Variants in SAMD3 observed in about 807,000 individuals in gnomAD.
The protein encoded by SAMD3 is sterile alpha motif domain containing 3, also known as sterile alpha motif domain-containing protein 3.
In SAMD3, 63 loss-of-function variants were observed where a neutral mutation model predicts 58.5. The observed-to-expected ratio is 1.08, with a 90% CI of 0.88 to 1.33. The LOEUF is 1.33. SAMD3 is among the 40% of genes most tolerant of loss of function. The pLI, the probability that SAMD3 is intolerant of heterozygous loss-of-function variation, is 0.00. For missense variants in SAMD3, 604 were observed against 608.4 expected (o/e 0.99, Z 0.08); for synonymous variants, 220 against 210.3 (o/e 1.05, Z -0.40).
intron 2 of SAMD3, among the ~76,000 whole-genome samples, chr6:130,298,683 A>G (rs1775649157): frequency 1.3e-5 from 2 of 152,206 alleles, no homozygotes; most frequent in African/African-American, 4.8e-5. Context: ...AAAGACACAG[A>G]GTGGCACATT....
At chr6:130,305,581 C>T (rs1775887206) in intron 2 of SAMD3, among the ~76,000 whole-genome samples, 1 of 152,056 alleles carries the variant, frequency 6.6e-6, no homozygotes, top group Admixed American at 6.6e-5. Context: ...ACATTCAATT[C>T]TACCAGTTAG....
Position 130,188,891 on chromosome 6 carries a change from T to A in SAMD3, c.384-4268A>T, listed in dbSNP as rs1793251982. ...GAGAATTTGCACATGGCTTGGTTCC[T>A]GCCCCCTTAATCCTCTGTATTGATT... On this transcript the variant is annotated intron_variant, in intron 5 of 11. Transcript: ENST00000439090. Among the ~76,000 whole-genome samples the A allele has an allele frequency of 2.0e-5, 3 of 152,178 alleles. No homozygotes were observed. The South Asian group carries it at 6.2e-4, about 32-fold the overall frequency.
chr6:130,354,095 G>C (rs1427587607), intron 1 of SAMD3, among the ~76,000 whole-genome samples: 1 of 152,154 alleles, frequency 6.6e-6, no homozygotes, highest in Non-Finnish European at 1.5e-5. Context: ...CTGATCATTA[G>C]AGAAATGCAA....
chr6:130,220,485 G>A (rs959072739), intron 1 of SAMD3, among the ~76,000 whole-genome samples: 10 of 152,190 alleles, frequency 6.6e-5, no homozygotes, highest in African/African-American at 2.4e-4. Flanking sequence ...GACAGCCAAA[G>A]CTTATGGTTC....
At chr6:130,339,382 C>T (rs1241945665) in intron 1 of SAMD3, among the ~76,000 whole-genome samples, 1 of 152,134 alleles carries the variant, frequency 6.6e-6, no homozygotes, top group Non-Finnish European at 1.5e-5. Flanking sequence ...CCCATACATC[C>T]TACATGTCAA....
intron 1 of SAMD3, among the ~76,000 whole-genome samples, chr6:130,337,072 C>A (rs973043714): frequency 1.3e-5 from 2 of 152,144 alleles, no homozygotes; most frequent in Non-Finnish European, 2.9e-5. Context: ...CAGCTGGGTG[C>A]CTTGATATGG....
At chr6:130,194,660 C>A (rs947522648) in intron 5 of SAMD3, among the ~76,000 whole-genome samples, 1 of 152,340 alleles carries the variant, frequency 6.6e-6, no homozygotes, top group East Asian at 1.9e-4. Flanking sequence ...GCTCACAGCC[C>A]AGAATTCCTC....
intron 2 of SAMD3, among the ~76,000 whole-genome samples, chr6:130,234,208 G>T (rs751645980): frequency 1.3e-5 from 2 of 151,954 alleles, no homozygotes. Flanking sequence ...TCTCTTATGT[G>T]TAAATTTAAT....
intron 5 of SAMD3, among the ~76,000 whole-genome samples, chr6:130,195,783 TA>T (rs1794048480): frequency 6.6e-6 from 1 of 152,178 alleles, no homozygotes; most frequent in Non-Finnish European, 1.5e-5. Flanking sequence ...GTAATTCTTA[TA>T]AAAACACACG....
Position 130,244,745 on chromosome 6 carries a change from AAAT to A in SAMD3, c.-187-21935_-187-21933del, listed in dbSNP as rs1363975851. On this transcript the variant is annotated intron_variant, in intron 2 of 13. Transcript: ENST00000368134. ...ACAGGACGAGCCTGTCTCAAAAAAA[AAAT>A]AAAAATAAAAATAAAAATAAAAATA... is the stretch of plus-strand genomic sequence containing the variant. 1.7e-4 allele frequency among the ~76,000 whole-genome samples: 8 copies of A among 46,648 alleles called. No homozygotes were observed. In the African/African-American group the frequency reaches 3.3e-3, roughly 19 times the overall value. 30.6% of individuals were successfully genotyped at this position (46,648 alleles called of 152,430 possible).
intron 1 of SAMD3, among the ~76,000 whole-genome samples, chr6:130,318,988 A>G (rs1776490024): frequency 1.3e-5 from 2 of 152,228 alleles, no homozygotes; most frequent in Admixed American, 1.3e-4. Context: ...GGTTAAAATT[A>G]TAATGTGTGA....
At chr6:130,225,593 G>A (rs1461265930), upstream of SAMD3, among the ~76,000 whole-genome samples, 1 of 152,182 alleles carries the variant, frequency 6.6e-6, no homozygotes, top group East Asian at 1.9e-4. Flanking sequence ...ATTGTTCCAA[G>A]GTAAACTTAT....
intron 1 of SAMD3, among the ~76,000 whole-genome samples, chr6:130,323,984 A>C (rs1776672754): frequency 6.6e-6 from 1 of 152,168 alleles, no homozygotes; most frequent in Admixed American, 6.5e-5. Flanking sequence ...GATGGTGTGC[A>C]TGGGATGCAC....
chr6:130,188,138 A>G (rs551544803), intron 5 of SAMD3, among the ~76,000 whole-genome samples: 2 of 152,302 alleles, frequency 1.3e-5, no homozygotes, highest in African/African-American at 4.8e-5. Context: ...ACTCTCCAAC[A>G]TTTTCTAACT....
At chr6:130,146,516 C>T (rs368208090) in intron 9 of SAMD3, among the ~76,000 whole-genome samples, 2 of 152,192 alleles carry the variant, frequency 1.3e-5, no homozygotes, top group African/African-American at 4.8e-5. Flanking sequence ...TAAGATCTTA[C>T]ATTTCTTTAG....
chr6:130,244,068 GCT>G (rs1171965856), intron 2 of SAMD3, among the ~76,000 whole-genome samples: 8 of 152,062 alleles, frequency 5.3e-5, no homozygotes, highest in Non-Finnish European at 1.0e-4. Context: ...TCAAATAATG[GCT>G]CTTTTTCTGT....
intron 5 of SAMD3, among the ~76,000 whole-genome samples, chr6:130,206,296 G>A (rs989340618): frequency 6.6e-6 from 1 of 152,158 alleles, no homozygotes; most frequent in Non-Finnish European, 1.5e-5. Context: ...CTAGGGCAAG[G>A]CAGTCGTATG....
At chr6:130,147,537 A>AT (rs1368062683) in intron 9 of SAMD3, among the ~76,000 whole-genome samples, 49 of 152,354 alleles carry the variant, frequency 3.2e-4, no homozygotes, top group African/African-American at 1.2e-3. Flanking sequence ...AGTTGCAGAA[A>AT]TAGTAAACAG....
At chr6:130,180,927 C>CTTTTCTT (rs1170017417) in intron 7 of SAMD3, among the ~76,000 whole-genome samples, 7 of 131,940 alleles carry the variant, frequency 5.3e-5, no homozygotes, top group African/African-American at 2.0e-4. Context: ...TGAAACTTTT[C>CTTTTCTT]TTTTCTTTTT....
Sources: allele counts gnomAD v4.1 joint callset (sites outside exome capture counted in the v4.1 genomes callset), GRCh38; gene constraint gnomAD v4.1.1; transcripts MANE v1.5; gene names NCBI Gene and HGNC (gene_info 2026-07-23, HGNC 2026-07-21).